The following UNKL variants were observed in gnomAD, a reference collection of about 807,000 sequenced individuals.
UNKL encodes the protein unk like zinc finger.
A neutral mutation model predicts 78.0 loss-of-function variants in UNKL; 60 were observed. The observed-to-expected ratio is 0.77, with a 90% CI of 0.63 to 0.95. The LOEUF is 0.95. Among genes scored for constraint, UNKL ranks in the 40% least tolerant of loss-of-function variants. The pLI is 0.00. For synonymous variants in UNKL, 608 were observed against 474.8 expected (o/e 1.28, Z -3.65); for missense variants, 1,159 against 1,045.7 (o/e 1.11, Z -1.49).
chr16:1,393,973 C>A (rs747918062), intron 7 of UNKL, among the ~76,000 whole-genome samples, 158 bp downstream of exon 7: 1 of 152,236 alleles, frequency 6.6e-6, no homozygotes, highest in South Asian at 2.1e-4. Context: ...GGAGCCTCCA[C>A]GGGCATGTCA....
chr16:1,377,504 T>G (rs563927113), intron 10 of UNKL, among the ~76,000 whole-genome samples: 1 of 150,742 alleles, frequency 6.6e-6, no homozygotes, highest in African/African-American at 2.5e-5. Flanking sequence ...CCCCTCTGCC[T>G]CCACTCCCCC....
intron 2 of UNKL, chr16:1,406,069 A>C (rs778031523): frequency 4.4e-6 from 2 of 456,748 alleles, no homozygotes; most frequent in South Asian, 3.1e-5. Flanking sequence ...GGAACGTGCG[A>C]GAACCACCGG....
chr16:1,374,944 CAT>C (rs1033574241), intron 10 of UNKL, among the ~76,000 whole-genome samples: 6 of 152,264 alleles, frequency 3.9e-5, no homozygotes, highest in African/African-American at 9.6e-5. Context: ...CCTAGCCGCA[CAT>C]GAGATTTGTC....
intron 10 of UNKL, among the ~76,000 whole-genome samples, chr16:1,371,991 T>C (rs183415548): frequency 6.6e-5 from 10 of 152,170 alleles, no homozygotes; most frequent in Admixed American, 5.2e-4. Context: ...GTGCGGTGGC[T>C]CACACCTGTA....
At chr16:1,375,205 C>T (rs572997439) in intron 10 of UNKL, among the ~76,000 whole-genome samples, 180 of 152,336 alleles carry the variant, frequency 1.2e-3, no homozygotes, top group Non-Finnish European at 2.2e-3. Context: ...CTGGCGTGGA[C>T]GTGGCGCAGC....
chr16:1,367,098 C>T lies in UNKL; in HGVS notation c.2040G>A (p.Val680=), dbSNP rs1481985225. The change falls in exon 14 of 15, where the codon GTG becomes GTA. Residue 680 remains valine, a synonymous_variant. Coordinates refer to ENST00000389221, the MANE Select transcript of UNKL (RefSeq NM_001372107.1). ...TGCCCAGAGCAGGACTCACGCCGTC[C>T]ACCGCCTCCAGGTCCAGGCGCAGCT... is the stretch of plus-strand genomic sequence containing the variant. ...QSQLRLDLEA[V]DGVIFQLRAK... is the part of the protein sequence containing the mutation. The T allele has an allele frequency of 1.3e-6, 2 of 1,564,604 alleles. No individual in the cohort carries two copies. The highest frequency in any genetic ancestry group is 2.3e-5 in the East Asian group (1 of 42,800).
At position 1,394,541 on chromosome 16, in the gene UNKL, A is replaced by T. The variant is rs373830321; in HGVS notation, c.853-326T>A. On this transcript the variant is annotated intron_variant, in intron 6 of 14. Coordinates refer to ENST00000389221, the MANE Select transcript of UNKL (RefSeq NM_001372107.1). ...GAGTCTGGTATGCAGCAGGTGCCTA[A>T]TAAGTGCCTATTAAAAGGAACACGT... 8.8e-4 allele frequency: 459 copies of T among 521,062 alleles called. 8 individuals carry two copies. Among genetic ancestry groups the T allele is most frequent in the South Asian group, 7.0e-3 (454 of 65,068 alleles). The allele number at this position is 521,062 out of a possible 1,614,324, so 32.3% of individuals were successfully genotyped here.
rs772198031 is a variant in UNKL, at chr16:1,399,478, C to T, written c.630G>A (p.Thr210=). 10 of 1,600,132 alleles carry T rather than the reference C, an allele frequency of 6.2e-6. No homozygotes were observed. Among genetic ancestry groups the T allele is most frequent in the East Asian group, 2.3e-5 (1 of 43,958 alleles). The change falls in exon 5 of 15, where the codon ACG becomes ACA. Residue 210 remains threonine (T), a synonymous_variant. Coordinates refer to ENST00000389221, the MANE Select transcript of UNKL (RefSeq NM_001372107.1). This position sits in a 1 kb window ranked among gnomAD's most constrained non-coding sequence, Gnocchi z 5.8. Reference sequence around the variant, plus strand: ...GGCGTGGCGGCTTCGGGCACTGCTCCGTCTTGTAGCTGCCCAGCACGAAGT... The same window carrying T: ...GGCGTGGCGGCTTCGGGCACTGCTCTGTCTTGTAGCTGCCCAGCACGAAGT... ...DANFVLGSYK[T]EQCPKPPRLC...
At chr16:1,414,242 G>A (rs544364716) in intron 1 of UNKL, among the ~76,000 whole-genome samples, 187 bp from the exon 2 acceptor site, 330 of 151,476 alleles carry the variant, frequency 2.2e-3, no homozygotes, top group South Asian at 3.8e-3. Flanking sequence ...ACCCGACCTC[G>A]TAGCCCAGGC....
At chr16:1,369,615 TGCCTCA>T (rs1306011073) in intron 12 of UNKL, among the ~76,000 whole-genome samples, 1 of 152,056 alleles carries the variant, frequency 6.6e-6, no homozygotes, top group African/African-American at 2.4e-5. Flanking sequence ...GTGATCCGCC[TGCCTCA>T]GCCTCCCAAA....
At chr16:1,374,559 C>A (rs1350779847) in intron 10 of UNKL, among the ~76,000 whole-genome samples, 1 of 152,188 alleles carries the variant, frequency 6.6e-6, no homozygotes, top group Non-Finnish European at 1.5e-5. Flanking sequence ...CCAGCCCCTG[C>A]CTGGTGCTCG....
chr16:1,366,954 G>A (rs975776660), intron 14 of UNKL, 138 bp downstream of exon 14: 77 of 1,409,934 alleles, frequency 5.5e-5, no homozygotes, highest in Middle Eastern at 5.2e-4. Flanking sequence ...GTGGGGCACC[G>A]TCTCCTCCTC....
At chr16:1,384,945 C>T (rs954281312) in intron 10 of UNKL, among the ~76,000 whole-genome samples, 22 of 152,284 alleles carry the variant, frequency 1.4e-4, no homozygotes, top group African/African-American at 5.1e-4. Flanking sequence ...AGCCGGACGG[C>T]GCCTGCTCTG....
At chr16:1,411,491 C>A (rs1452176818) in intron 2 of UNKL, among the ~76,000 whole-genome samples, 2 of 152,064 alleles carry the variant, frequency 1.3e-5, no homozygotes, top group African/African-American at 2.4e-5. Context: ...GTGTTCATGC[C>A]CCTGCACTCC....
At chr16:1,400,778 C>A (rs908294253) in intron 4 of UNKL, among the ~76,000 whole-genome samples, 1 of 152,078 alleles carries the variant, frequency 6.6e-6, no homozygotes, top group Non-Finnish European at 1.5e-5. Context: ...ACCTTCACCC[C>A]CCGAGTTCAA....
At chr16:1,410,252 C>G (rs1028509798) in intron 2 of UNKL, among the ~76,000 whole-genome samples, 2 of 130,060 alleles carry the variant, frequency 1.5e-5, no homozygotes, top group African/African-American at 5.9e-5. Context: ...GGTGACAAAG[C>G]AAGACCCTGT....
At chr16:1,371,751 G>T (rs1036631987) in intron 10 of UNKL, 140 bp from the exon 11 acceptor site, 47 of 857,142 alleles carry the variant, frequency 5.5e-5, no homozygotes, top group Middle Eastern at 2.5e-4. Flanking sequence ...GGGCAGCCAG[G>T]GAAGGACACC....
intron 8 of UNKL, among the ~76,000 whole-genome samples, chr16:1,391,239 T>TACACAC (rs142620901): frequency 6.7e-3 from 69 of 10,354 alleles, no homozygotes; most frequent in Non-Finnish European, 3.6e-3. Context: ...CCCTTAAAGA[T>TACACAC]ACACACACAC....
chr16:1,376,930 G>A (rs2036275027), intron 10 of UNKL, among the ~76,000 whole-genome samples: 1 of 152,104 alleles, frequency 6.6e-6, no homozygotes, highest in South Asian at 2.1e-4. Context: ...GCAGTGGACA[G>A]CGAACCCTGG....
Sources: gnomAD v4.1 joint callset for allele counts (sites outside exome capture counted in the v4.1 genomes callset) on GRCh38, gnomAD v4.1.1 for gene constraint, Gnocchi (gnomAD v3.1) non-coding constraint, MANE v1.5 for transcripts, NCBI Gene and HGNC (gene_info 2026-07-23, HGNC 2026-07-21) for gene names.